The following RPS6KC1 variants were observed in gnomAD, a reference collection of about 807,000 sequenced individuals.
RPS6KC1 encodes inactive ribosomal protein S6 kinase delta-1.
Under a neutral mutation model 103.8 loss-of-function variants are expected in RPS6KC1, and 54 were observed. That is an observed-to-expected ratio of 0.52 (90% CI 0.42 to 0.65). The LOEUF (loss-of-function observed/expected upper bound fraction) is 0.65. Among genes scored for constraint, RPS6KC1 ranks in the 30% least tolerant of loss-of-function variants. The probability of loss-of-function intolerance (pLI) is 0.00; values close to 1 mark genes in which losing one functional copy is unlikely to be tolerated. For synonymous variants in RPS6KC1, 439 were observed against 438.7 expected, an observed-to-expected ratio of 1.00 and a Z score of -0.01; for missense variants, 1,151 against 1,253.8, an observed-to-expected ratio of 0.92 and a Z score of 1.24.
the RPS6KC1 span, among the ~76,000 whole-genome samples, chr1:213,506,846 T>A: frequency 6.6e-6 from 1 of 152,238 alleles, no homozygotes; most frequent in Admixed American, 6.5e-5. Context: ...TGGGGGATTT[T>A]AAAAGAATTA....
At chr1:213,248,927 A>G (rs1044516527) in intron 12 of RPS6KC1, among the ~76,000 whole-genome samples, 3 of 152,200 alleles carry the variant, frequency 2.0e-5, no homozygotes, top group African/African-American at 7.2e-5. Context: ...GTGAAAAACA[A>G]TGTCTCTGTA....
rs769319267 is a variant in RPS6KC1, at chr1:213,051,431, C to A, written c.27C>A (p.Ala9=). The A allele has an allele frequency of 6.2e-7, 1 of 1,613,372 alleles. No homozygotes were observed. The highest frequency in any genetic ancestry group is 8.5e-7 in the Non-Finnish European group (1 of 1,179,778). MTSYRERS[A]DLARFYTVTE... ...TGACCTCTTACCGGGAGCGGAGTGC[C>A]GACCTGGCCCGTTTCTACACTGTCA... The change falls in exon 1 of 15, where the codon GCC becomes GCA. Residue 9 remains alanine (A), a synonymous_variant. Coordinates refer to ENST00000366960, the MANE Select transcript of RPS6KC1 (RefSeq NM_012424.6).
chr1:213,178,448 G>A (rs2092036768), intron 8 of RPS6KC1, among the ~76,000 whole-genome samples: 1 of 151,762 alleles, frequency 6.6e-6, no homozygotes, highest in Non-Finnish European at 1.5e-5. Flanking sequence ...GGCTGAGGCA[G>A]GAGAATCACT....
chr1:213,439,718 A>G, the RPS6KC1 span, among the ~76,000 whole-genome samples: 4 of 152,274 alleles, frequency 2.6e-5, no homozygotes, highest in Admixed American at 6.5e-5. Context: ...CCTTCTTAAA[A>G]TGGTTCTTAT....
chr1:213,244,674 T>A (rs923146551), intron 12 of RPS6KC1, among the ~76,000 whole-genome samples: 1 of 152,210 alleles, frequency 6.6e-6, no homozygotes, highest in African/African-American at 2.4e-5. Flanking sequence ...ATACACACTT[T>A]CAATTTCATA....
intron 8 of RPS6KC1, among the ~76,000 whole-genome samples, chr1:213,213,890 C>G (rs61832463): frequency 7.5e-4 from 114 of 152,284 alleles, no homozygotes; most frequent in Non-Finnish European, 9.9e-4. Context: ...AACCATCATA[C>G]TGGGGCAGTT....
the RPS6KC1 span, among the ~76,000 whole-genome samples, chr1:213,663,880 A>G: frequency 6.6e-6 from 1 of 152,200 alleles, no homozygotes; most frequent in Admixed American, 6.5e-5. Flanking sequence ...CCACAGCTGC[A>G]GTCCAAGGCA....
chr1:213,145,114 G>T (rs527804729), intron 6 of RPS6KC1, among the ~76,000 whole-genome samples: 6 of 152,220 alleles, frequency 3.9e-5, no homozygotes, highest in African/African-American at 1.4e-4. Context: ...ATAGGTAACA[G>T]TCTTTCCTGA....
the RPS6KC1 span, among the ~76,000 whole-genome samples, chr1:213,523,827 A>G: frequency 6.6e-6 from 1 of 152,324 alleles, no homozygotes; most frequent in East Asian, 1.9e-4. Context: ...GGGATTGGAA[A>G]GGGTTTCACT....
chr1:213,806,330 T>A, the RPS6KC1 span, among the ~76,000 whole-genome samples: 1 of 152,020 alleles, frequency 6.6e-6, no homozygotes, highest in Admixed American at 6.6e-5. Context: ...AGACTCCGTC[T>A]CAAAATAAAT....
At chr1:213,800,438 T>G in the RPS6KC1 span, among the ~76,000 whole-genome samples, 1 of 152,182 alleles carries the variant, frequency 6.6e-6, no homozygotes, top group Non-Finnish European at 1.5e-5. Flanking sequence ...GGCAAGTTGT[T>G]GGTGGAAGGA....
chr1:213,190,516 A>G (rs1230808638), intron 8 of RPS6KC1, among the ~76,000 whole-genome samples: 1 of 152,122 alleles, frequency 6.6e-6, no homozygotes, highest in Non-Finnish European at 1.5e-5. Context: ...TTTTTCCTAT[A>G]GAGATGTTTG....
chr1:213,725,204 A>G, the RPS6KC1 span, among the ~76,000 whole-genome samples: 1 of 152,260 alleles, frequency 6.6e-6, no homozygotes, highest in Non-Finnish European at 1.5e-5. Context: ...CATTACTTGG[A>G]TACGAGGCAT....
chr1:213,569,350 C>A, the RPS6KC1 span, among the ~76,000 whole-genome samples: 1 of 152,130 alleles, frequency 6.6e-6, no homozygotes, highest in Non-Finnish European at 1.5e-5. Flanking sequence ...CAATATTAAG[C>A]ATTATTAGGG....
the RPS6KC1 span, among the ~76,000 whole-genome samples, chr1:213,668,987 A>G: frequency 6.6e-6 from 1 of 152,210 alleles, no homozygotes; most frequent in East Asian, 1.9e-4. Flanking sequence ...CCTTTGGCTT[A>G]AGGGAACATT....
At chr1:213,281,578 G>A in the RPS6KC1 span, among the ~76,000 whole-genome samples, 7 of 152,168 alleles carry the variant, frequency 4.6e-5, no homozygotes, top group African/African-American at 7.2e-5. Flanking sequence ...TCTGCATCTC[G>A]CCCTTGCCAT....
the RPS6KC1 span, among the ~76,000 whole-genome samples, chr1:213,539,485 C>T: frequency 6.6e-6 from 1 of 152,174 alleles, no homozygotes; most frequent in East Asian, 1.9e-4. Flanking sequence ...GGTCTTCTTT[C>T]TGTGGGTCCT....
intron 2 of RPS6KC1, among the ~76,000 whole-genome samples, chr1:213,075,258 A>G (rs897944266): frequency 1.3e-5 from 2 of 152,208 alleles, no homozygotes; most frequent in African/African-American, 4.8e-5. Flanking sequence ...TGTCCAGTTT[A>G]TAATGACATT....
chr1:213,277,143 T>C (rs2095114008), downstream of RPS6KC1, among the ~76,000 whole-genome samples: 1 of 152,226 alleles, frequency 6.6e-6, no homozygotes, highest in African/African-American at 2.4e-5. Flanking sequence ...GCAAAAGCTG[T>C]GAAGTCAGCT....
Sources: allele counts gnomAD v4.1 joint callset (sites outside exome capture counted in the v4.1 genomes callset), GRCh38; gene constraint gnomAD v4.1.1; transcripts MANE v1.5; gene names NCBI Gene and HGNC (gene_info 2026-07-23, HGNC 2026-07-21).